RYR3: variants seen among roughly 807,000 people sequenced by gnomAD.
RYR3 encodes the protein ryanodine receptor 3.
A neutral mutation model predicts 584.3 loss-of-function variants in RYR3; 207 were observed. The ratio of observed to expected loss-of-function variants is 0.35; its 90% CI spans 0.32 to 0.40. The LOEUF is 0.40. Among genes scored for constraint, RYR3 ranks in the 10% least tolerant of loss-of-function variants. The pLI is 1.00. For synonymous variants in RYR3, 2,416 were observed against 2,248.5 expected (o/e 1.07, Z -2.11); for missense variants, 5,616 against 6,089.2 (o/e 0.92, Z 2.59).
chr15:33,623,529 A>G (rs2060832179), intron 19 of RYR3, among the ~76,000 whole-genome samples: 1 of 152,226 alleles, frequency 6.6e-6, no homozygotes, highest in Non-Finnish European at 1.5e-5. Flanking sequence ...CTATTAGAGT[A>G]CAGATAAACT....
intron 89 of RYR3, chr15:33,840,523 C>T: frequency 2.6e-6 from 1 of 384,752 alleles, no homozygotes; most frequent in Admixed American, 4.3e-5. Flanking sequence ...TCTTTCTGAC[C>T]CTGTGGAGCA....
chr15:33,701,806 G>A (rs1195559837), intron 42 of RYR3, among the ~76,000 whole-genome samples: 2 of 152,178 alleles, frequency 1.3e-5, no homozygotes, highest in Non-Finnish European at 2.9e-5. Flanking sequence ...ATGAGTAGAA[G>A]CTGATCAGCC....
intron 41 of RYR3, 107 bp from the exon 42 acceptor site, chr15:33,700,870 A>G (rs2066250354): frequency 1.0e-5 from 7 of 683,848 alleles, no homozygotes; most frequent in African/African-American, 1.8e-5. Context: ...GCCAGGTTTC[A>G]GTGTGTTTGC....
chr15:33,566,893 C>T, intron 12 of RYR3, 94 bp downstream of exon 12: 1 of 1,371,702 alleles, frequency 7.3e-7, no homozygotes, highest in Non-Finnish European at 1.0e-6. Context: ...TGAATGTTTT[C>T]AGGAAATAAT....
chr15:33,664,313 G>A (rs1444962446), intron 36 of RYR3, among the ~76,000 whole-genome samples: 1 of 151,898 alleles, frequency 6.6e-6, no homozygotes, highest in Middle Eastern at 3.2e-3. Flanking sequence ...CCCACCTTGG[G>A]GTTAGCCTTA....
chr15:33,524,374 G>C (rs1402895246), intron 3 of RYR3, among the ~76,000 whole-genome samples: 4 of 152,148 alleles, frequency 2.6e-5, no homozygotes, highest in Non-Finnish European at 5.9e-5. Context: ...AATAGGTAAA[G>C]CATAGAACAT....
intron 1 of RYR3, among the ~76,000 whole-genome samples, chr15:33,353,029 C>CT (rs11458891): frequency 0.76 from 115,267 of 152,134 alleles, 43,905 homozygotes; most frequent in East Asian, 0.95. Flanking sequence ...ATGAAACCTT[C>CT]TCTGACATTT....
intron 5 of RYR3, among the ~76,000 whole-genome samples, chr15:33,535,115 A>G (rs1190911069): frequency 3.3e-5 from 5 of 152,270 alleles, no homozygotes; most frequent in Admixed American, 6.5e-5. Flanking sequence ...TACAGTCTGT[A>G]ATATGACATT....
At chr15:33,659,868 G>A (rs1322520070) in intron 33 of RYR3, 62 bp downstream of exon 33, 15 of 1,167,728 alleles carry the variant, frequency 1.3e-5, no homozygotes, top group Admixed American at 1.9e-5. Context: ...ACCATTAGGG[G>A]GAAAATCCCA....
At chr15:33,360,702 G>A (rs573421710) in intron 1 of RYR3, among the ~76,000 whole-genome samples, 29 of 152,368 alleles carry the variant, frequency 1.9e-4, no homozygotes, top group Non-Finnish European at 3.7e-4. Flanking sequence ...CTTAGAGAGG[G>A]TCAGTGACAT....
At chr15:33,832,757 C>G (rs2077769736) in intron 86 of RYR3, among the ~76,000 whole-genome samples, 1 of 151,696 alleles carries the variant, frequency 6.6e-6, no homozygotes. Context: ...GGCCTGTAAT[C>G]CCAGCACTTT....
At chr15:33,615,954 G>A (rs1026296414) in intron 19 of RYR3, among the ~76,000 whole-genome samples, 2 of 152,174 alleles carry the variant, frequency 1.3e-5, no homozygotes, top group African/African-American at 4.8e-5. Flanking sequence ...ACACAACAGT[G>A]TTGGGATCAT....
chr15:33,396,712 C>T (rs2042321000), intron 1 of RYR3, among the ~76,000 whole-genome samples: 1 of 152,280 alleles, frequency 6.6e-6, no homozygotes, highest in South Asian at 2.1e-4. Flanking sequence ...GGGCTGGTGA[C>T]CCATCTGCAG....
intron 2 of RYR3, among the ~76,000 whole-genome samples, chr15:33,486,748 C>T (rs1284764487): frequency 6.6e-6 from 1 of 152,128 alleles, no homozygotes; most frequent in African/African-American, 2.4e-5. Flanking sequence ...TGCTGAGCAG[C>T]AGAAGTGCAT....
intron 11 of RYR3, among the ~76,000 whole-genome samples, chr15:33,566,041 A>T (rs2057698008): frequency 6.6e-6 from 1 of 152,194 alleles, no homozygotes; most frequent in South Asian, 2.1e-4. Context: ...TCCAAAGCAA[A>T]TGGGGTTAAC....
rs1306611702 is a variant in RYR3 at position 33,641,109 on chromosome 15, CA to C, written c.3557-3199del. ...GGTCTCCATCTGTCTAATCTAGAGA[CA>C]AACAGGTGAACTCCCTGACACGTTG... On this transcript the variant is annotated intron_variant, in intron 27 of 103. Coordinates refer to ENST00000634891, the MANE Select transcript of RYR3 (RefSeq NM_001036.6). Among the ~76,000 whole-genome samples, 4 of 152,202 alleles carry C rather than the reference CA, an allele frequency of 2.6e-5. No homozygotes were observed. The East Asian group carries it at 7.7e-4, about 29-fold the overall frequency.
At chr15:33,644,266 G>C (rs1399197364) in intron 27 of RYR3, 45 bp from the exon 28 acceptor site, 1 of 1,514,536 alleles carries the variant, frequency 6.6e-7, no homozygotes, top group Admixed American at 1.9e-5. Context: ...AGTTTCCTGG[G>C]ATGGTGCCTT....
At chr15:33,475,070 G>GT (rs910528071) in intron 2 of RYR3, among the ~76,000 whole-genome samples, 2 of 152,060 alleles carry the variant, frequency 1.3e-5, no homozygotes, top group South Asian at 2.1e-4. Context: ...GCTTTGTTTT[G>GT]TTTTTCATTC....
chr15:33,511,925 C>T (rs1304799568), intron 3 of RYR3, among the ~76,000 whole-genome samples: 1 of 152,150 alleles, frequency 6.6e-6, no homozygotes, highest in Non-Finnish European at 1.5e-5. Flanking sequence ...ACTACAGGCG[C>T]CCGCCACCAC....
Sources: gnomAD v4.1 joint callset for allele counts (sites outside exome capture counted in the v4.1 genomes callset) on GRCh38, gnomAD v4.1.1 for gene constraint, MANE v1.5 for transcripts, NCBI Gene and HGNC (gene_info 2026-07-23, HGNC 2026-07-21) for gene names.